The following SIPA1L1 variants were observed in gnomAD, a reference collection of about 807,000 sequenced individuals.
SIPA1L1 encodes signal-induced proliferation-associated 1-like protein 1.
In SIPA1L1, 26 loss-of-function variants were observed where a neutral mutation model predicts 162.7. The observed-to-expected ratio is 0.16, with a 90% CI of 0.12 to 0.22. SIPA1L1 has a LOEUF of 0.22. Ranked by LOEUF, SIPA1L1 falls within the 10% of genes least tolerant of loss-of-function variation. The pLI is 1.00. For missense variants in SIPA1L1, 1,874 were observed against 2,241.0 expected (o/e 0.84, Z 3.31); for synonymous variants, 829 against 837.4 (o/e 0.99, Z 0.17).
intron 5 of SIPA1L1, among the ~76,000 whole-genome samples, chr14:71,618,278 C>T (rs2039053128): frequency 6.6e-6 from 1 of 152,184 alleles, no homozygotes; most frequent in African/African-American, 2.4e-5. Flanking sequence ...AGAGTGCTGC[C>T]CAGAGACTCG....
At position 71,588,227 on chromosome 14, in the gene SIPA1L1, G is replaced by A; in HGVS notation, c.355G>A (p.Gly119Arg). ...CTCCAAAAGCAGTCCTGTGAGTCAGGGAAGTTCTGTTAGCCTCAATTCCAA... is the reference window on the plus strand; with the variant it reads ...CTCCAAAAGCAGTCCTGTGAGTCAGAGAAGTTCTGTTAGCCTCAATTCCAA... ...LSSKSSPVSQ[G>R]SSVSLNSNDS... The change falls in exon 5 of 24, where the codon GGA becomes AGA. Residue 119 changes from glycine (G) to arginine (R), a missense_variant. Gly to Arg is a moderately radical substitution (Grantham distance 125, BLOSUM62 -2). Around this residue, in one of 5 missense-constraint regions of SIPA1L1, gnomAD observed 685 missense variants for 828.0 expected, o/e 0.83. Coordinates refer to ENST00000381232, the MANE Select transcript of SIPA1L1 (RefSeq NM_001386936.1). The surrounding 1 kb of genome is among the most constrained non-coding windows in gnomAD (Gnocchi z 4.3). 1 of 1,614,106 alleles carries A rather than the reference G, an allele frequency of 6.2e-7. No individual in the cohort carries two copies. Among genetic ancestry groups the A allele is most frequent in the Non-Finnish European group, 8.5e-7 (1 of 1,180,006 alleles).
chr14:71,577,497 C>T (rs2033247149), intron 4 of SIPA1L1, among the ~76,000 whole-genome samples: 1 of 151,968 alleles, frequency 6.6e-6, no homozygotes, highest in South Asian at 2.1e-4. Flanking sequence ...CTGCCTCAAC[C>T]TCCCAAGTAG....
At position 71,389,203 on chromosome 14, in the gene SIPA1L1, C is replaced by G. The variant is rs529168670; in HGVS notation, c.-465+68022C>G. ...CCTCTGCAGGAAGTCCTGAGGGAAA[C>G]AGACCCCTAGGAGATGGGTAGGTAA... On this transcript the variant is annotated intron_variant, in intron 2 of 23. Transcript: ENST00000381232. Among the ~76,000 whole-genome samples the G allele has an allele frequency of 3.9e-5, 6 of 152,280 alleles. No individual in the cohort carries two copies. The East Asian group carries it at 1.2e-3, about 29-fold the overall frequency.
chr14:71,483,706 T>C (rs1453187552), intron 2 of SIPA1L1, among the ~76,000 whole-genome samples: 1 of 152,210 alleles, frequency 6.6e-6, no homozygotes, highest in African/African-American at 2.4e-5. Context: ...AAAGCATGTC[T>C]AACCATGTCA....
At chr14:71,405,210 C>CA (rs1346564242) in intron 2 of SIPA1L1, among the ~76,000 whole-genome samples, 4 of 152,108 alleles carry the variant, frequency 2.6e-5, no homozygotes, top group African/African-American at 9.7e-5. Context: ...CAGGAAAGGT[C>CA]CTTCTGAGGA....
intron 7 of SIPA1L1, among the ~76,000 whole-genome samples, chr14:71,643,851 A>C (rs1349582734): frequency 6.6e-6 from 1 of 152,212 alleles, no homozygotes; most frequent in Non-Finnish European, 1.5e-5. Flanking sequence ...TCTGTCGCCC[A>C]GGCTGGAGTG....
intron 14 of SIPA1L1, among the ~76,000 whole-genome samples, chr14:71,700,284 A>G (rs1380081323): frequency 6.6e-6 from 1 of 152,254 alleles, no homozygotes; most frequent in Admixed American, 6.5e-5. Flanking sequence ...GTGGTCCCAT[A>G]TACTTGATAG....
At chr14:71,679,830 CAAAG>C (rs1418853910) in intron 12 of SIPA1L1, among the ~76,000 whole-genome samples, 4 of 152,074 alleles carry the variant, frequency 2.6e-5, no homozygotes, top group Admixed American at 6.6e-5. Context: ...TCAAAAGAGA[CAAAG>C]AAGGCCATTA....
chr14:71,664,491 G>A (rs888857846), intron 10 of SIPA1L1, among the ~76,000 whole-genome samples: 15 of 152,138 alleles, frequency 9.9e-5, no homozygotes, highest in Non-Finnish European at 1.6e-4. Flanking sequence ...GGCATGCAGT[G>A]CATAATAATC....
intron 16 of SIPA1L1, among the ~76,000 whole-genome samples, chr14:71,706,283 A>G (rs2082434562): frequency 6.6e-6 from 1 of 152,218 alleles, no homozygotes; most frequent in South Asian, 2.1e-4. Flanking sequence ...ATCTACTTGT[A>G]AATGATAGAT....
At chr14:71,691,417 C>G (rs1341574751) in intron 13 of SIPA1L1, among the ~76,000 whole-genome samples, 1 of 152,030 alleles carries the variant, frequency 6.6e-6, no homozygotes, top group Non-Finnish European at 1.5e-5. Context: ...CATAGTGAGA[C>G]CCCGTATCTA....
chr14:71,731,597 G>A (rs2084789608), intron 20 of SIPA1L1, among the ~76,000 whole-genome samples: 1 of 152,126 alleles, frequency 6.6e-6, no homozygotes, highest in Non-Finnish European at 1.5e-5. Flanking sequence ...CTTTTAATTT[G>A]CCTTTGCAGT....
At chr14:71,626,203 A>T (rs957251334) in intron 7 of SIPA1L1, among the ~76,000 whole-genome samples, 9 of 152,218 alleles carry the variant, frequency 5.9e-5, no homozygotes, top group Non-Finnish European at 1.5e-5. Flanking sequence ...AAAATTTGGC[A>T]ATCAGTCAGT....
At chr14:71,613,035 G>A (rs944421492) in intron 5 of SIPA1L1, among the ~76,000 whole-genome samples, 8 of 152,056 alleles carry the variant, frequency 5.3e-5, no homozygotes, top group Admixed American at 1.3e-4. Context: ...GAAGTCAACC[G>A]TATATGGATA....
At chr14:71,406,739 T>A (rs180921103) in intron 2 of SIPA1L1, among the ~76,000 whole-genome samples, 6 of 152,210 alleles carry the variant, frequency 3.9e-5, no homozygotes, top group African/African-American at 1.4e-4. Flanking sequence ...TTAAGTTTGT[T>A]TTAAAGCTGG....
rs538569584 is a variant in SIPA1L1 at position 71,564,984 on chromosome 14, T to C, written c.-302-22587T>C. On this transcript the variant is annotated intron_variant, in intron 4 of 23. Coordinates refer to ENST00000381232, the MANE Select transcript of SIPA1L1 (RefSeq NM_001386936.1). ...ACCATGCCTGCTGTTTCTGTCCCTA[T>C]AAAGAGTACTTGGTTTCACACGATC... 6.0e-4 allele frequency among the ~76,000 whole-genome samples: 92 copies of C among 152,326 alleles called. 4 individuals carry two copies. The South Asian group carries it at 0.019, about 31-fold the overall frequency.
At chr14:71,705,447 T>G in intron 16 of SIPA1L1, 107 bp downstream of exon 16, 1 of 870,516 alleles carries the variant, frequency 1.1e-6, no homozygotes, top group Non-Finnish European at 1.9e-6. Context: ...GAGGAAATCA[T>G]TCTGGCAAAG....
intron 13 of SIPA1L1, among the ~76,000 whole-genome samples, chr14:71,697,648 T>G (rs529593604): frequency 6.6e-6 from 1 of 152,368 alleles, no homozygotes; most frequent in Non-Finnish European, 1.5e-5. Flanking sequence ...GAGACAAACC[T>G]GGGCTCTCAA....
intron 2 of SIPA1L1, among the ~76,000 whole-genome samples, chr14:71,340,023 A>G (rs533581943): frequency 2.6e-5 from 4 of 152,342 alleles, no homozygotes; most frequent in African/African-American, 9.6e-5. Context: ...TGCATAAAGC[A>G]TATTTTGTTG....
Sources: allele counts gnomAD v4.1 joint callset (sites outside exome capture counted in the v4.1 genomes callset), GRCh38; gene constraint gnomAD v4.1.1; regional missense constraint gnomAD v4.1.1; non-coding constraint Gnocchi (gnomAD v3.1); transcripts MANE v1.5; gene names NCBI Gene and HGNC (gene_info 2026-07-23, HGNC 2026-07-21).